Variants in SDK1 observed in about 807,000 individuals in gnomAD.
SDK1 encodes protein sidekick-1.
A neutral mutation model predicts 245.5 loss-of-function variants in SDK1; 157 were observed. The ratio of observed to expected loss-of-function variants is 0.64; its 90% CI spans 0.56 to 0.73. The LOEUF (loss-of-function observed/expected upper bound fraction) is 0.73, where lower values mean the gene tolerates loss of function less well. Among genes scored for constraint, SDK1 ranks in the 30% least tolerant of loss-of-function variants. SDK1 has a pLI of 0.00. For missense variants in SDK1, 3,583 were observed against 3,002.3 expected, an observed-to-expected ratio of 1.19 and a Z score of -4.52; for synonymous variants, 1,647 against 1,278.5, an observed-to-expected ratio of 1.29 and a Z score of -6.15.
At chr7:3,619,750 A>G (rs1211851719) in intron 2 of SDK1, among the ~76,000 whole-genome samples, 1 of 152,190 alleles carries the variant, frequency 6.6e-6, no homozygotes, top group Non-Finnish European at 1.5e-5. Context: ...AACAGTATAT[A>G]TTGAAGTCCT....
At chr7:3,620,777 C>G (rs1009918311) in intron 2 of SDK1, among the ~76,000 whole-genome samples, 1 of 152,104 alleles carries the variant, frequency 6.6e-6, no homozygotes, top group African/African-American at 2.4e-5. Flanking sequence ...CTCCTCGGTG[C>G]TCTCTGGCAG....
intron 4 of SDK1, among the ~76,000 whole-genome samples, chr7:3,718,630 T>C (rs571859732): frequency 4.1e-4 from 62 of 152,144 alleles, no homozygotes; most frequent in Non-Finnish European, 7.5e-4. Flanking sequence ...GCAATCTAGT[T>C]ATAGGGAGTA....
intron 5 of SDK1, among the ~76,000 whole-genome samples, chr7:3,832,309 T>C (rs930245380): frequency 2.0e-5 from 3 of 152,226 alleles, no homozygotes; most frequent in Non-Finnish European, 2.9e-5. Flanking sequence ...TTTAAAATCA[T>C]GTTGTAATTT....
At chr7:3,778,376 G>T (rs563981111) in intron 4 of SDK1, among the ~76,000 whole-genome samples, 24 of 152,280 alleles carry the variant, frequency 1.6e-4, no homozygotes, top group African/African-American at 4.6e-4. Flanking sequence ...CTTTTGTTAA[G>T]TGTTTTGGCT....
At chr7:3,493,864 A>G (rs950501542) in intron 1 of SDK1, among the ~76,000 whole-genome samples, 1 of 152,262 alleles carries the variant, frequency 6.6e-6, no homozygotes, top group African/African-American at 2.4e-5. Flanking sequence ...CCAAAGTTCC[A>G]CTACAAATCC....
At chr7:3,354,063 G>T (rs911654335) in intron 1 of SDK1, among the ~76,000 whole-genome samples, 1 of 151,338 alleles carries the variant, frequency 6.6e-6, no homozygotes, top group Non-Finnish European at 1.5e-5. Flanking sequence ...CGAGATCTCG[G>T]CTCGCTGCAA....
chr7:3,765,211 A>C, intron 4 of SDK1, among the ~76,000 whole-genome samples: 1 of 152,204 alleles, frequency 6.6e-6, no homozygotes, highest in East Asian at 1.9e-4. Context: ...TATTTTACTC[A>C]GGATAATGTT....
chr7:3,974,829 T>C, intron 13 of SDK1: 1 of 330,284 alleles, frequency 3.0e-6, no homozygotes, highest in South Asian at 3.9e-5. Flanking sequence ...CACCTTATCC[T>C]GATAGGCCCT....
At chr7:3,417,779 G>T (rs1016506663) in intron 1 of SDK1, among the ~76,000 whole-genome samples, 1 of 152,190 alleles carries the variant, frequency 6.6e-6, no homozygotes, top group Non-Finnish European at 1.5e-5. Context: ...GAATAAAATA[G>T]CAGTGTCCAG....
intron 1 of SDK1, among the ~76,000 whole-genome samples, chr7:3,556,952 TTAAA>T (rs1779607035): frequency 6.6e-6 from 1 of 152,072 alleles, no homozygotes; most frequent in African/African-American, 2.4e-5. Context: ...CATGTACCCC[TTAAA>T]TATTTACACA....
At chr7:3,380,774 A>G (rs1432516137) in intron 1 of SDK1, among the ~76,000 whole-genome samples, 1 of 152,122 alleles carries the variant, frequency 6.6e-6, no homozygotes, top group Non-Finnish European at 1.5e-5. Context: ...TCCATCTGTG[A>G]TTCAGGCGAA....
chr7:3,591,740 G>A (rs1780882579), intron 1 of SDK1, among the ~76,000 whole-genome samples: 1 of 152,228 alleles, frequency 6.6e-6, no homozygotes. Flanking sequence ...GTGTGTATAT[G>A]TGCAGAGGTG....
intron 4 of SDK1, among the ~76,000 whole-genome samples, chr7:3,712,063 C>G (rs748500740): frequency 6.6e-6 from 1 of 152,176 alleles, no homozygotes; most frequent in Non-Finnish European, 1.5e-5. Context: ...AAAGCAAATG[C>G]TCTACAGCAG....
chr7:4,040,883 T>G (rs1788581096), intron 17 of SDK1, among the ~76,000 whole-genome samples: 1 of 152,218 alleles, frequency 6.6e-6, no homozygotes, highest in South Asian at 2.1e-4. Flanking sequence ...GTAGCCCTTT[T>G]CTGTTGGCAC....
chr7:4,238,194 C>G (rs1460105320), intron 42 of SDK1, among the ~76,000 whole-genome samples: 1 of 152,118 alleles, frequency 6.6e-6, no homozygotes, highest in African/African-American at 2.4e-5. Context: ...ATTCTCCTGC[C>G]TCAGCCTCCT....
chr7:3,496,231 A>T (rs1346791566), intron 1 of SDK1, among the ~76,000 whole-genome samples: 1 of 152,096 alleles, frequency 6.6e-6, no homozygotes, highest in Non-Finnish European at 1.5e-5. Context: ...GGAGGGTCAG[A>T]TAAGTTAGCA....
At chr7:3,536,076 A>C (rs1194001456) in intron 1 of SDK1, among the ~76,000 whole-genome samples, 1 of 143,468 alleles carries the variant, frequency 7.0e-6, no homozygotes, top group East Asian at 2.0e-4. Context: ...TTTTTTTCTT[A>C]GACGGAGTCT....
At chr7:3,376,717 C>T (rs987431859) in intron 1 of SDK1, among the ~76,000 whole-genome samples, 14 of 152,076 alleles carry the variant, frequency 9.2e-5, no homozygotes, top group Admixed American at 2.6e-4. Context: ...ATGCAAATAC[C>T]AAATGAGTGC....
intron 5 of SDK1, among the ~76,000 whole-genome samples, chr7:3,911,076 G>T (rs1334997724): frequency 6.6e-6 from 1 of 152,174 alleles, no homozygotes; most frequent in African/African-American, 2.4e-5. Flanking sequence ...CATTTTGGGG[G>T]GACTAGGGTG....
Sources: allele counts gnomAD v4.1 joint callset (sites outside exome capture counted in the v4.1 genomes callset), GRCh38; gene constraint gnomAD v4.1.1; transcripts MANE v1.5; gene names NCBI Gene and HGNC (gene_info 2026-07-23, HGNC 2026-07-21).